Variants in DYSF observed in about 807,000 individuals in gnomAD.
DYSF encodes dysferlin, also known as dystrophy-associated fer-1-like 1.
Under a neutral mutation model 274.9 loss-of-function variants are expected in DYSF, and 212 were observed. The observed-to-expected ratio is 0.77, with a 90% CI of 0.69 to 0.86. DYSF has a LOEUF of 0.86. DYSF is among the 40% of genes least tolerant of loss of function. The pLI, the probability that DYSF is intolerant of heterozygous loss-of-function variation, is 0.00. For missense variants in DYSF, 2,666 were observed against 2,783.2 expected (o/e 0.96, Z 0.95); for synonymous variants, 1,091 against 1,078.7 (o/e 1.01, Z -0.22).
chr2:71,612,758 C>A lies in DYSF; in HGVS notation c.4339C>A (p.Leu1447Met). The change falls in exon 39 of 56, where the codon CTG (leucine) becomes ATG (methionine). Residue 1447 changes from leucine (L) to methionine (M), a missense_variant. Leu to Met is a conservative substitution (Grantham distance 15). This residue lies in a region of DYSF where 1,460 missense variants were observed against 1,502.1 expected (regional missense o/e 0.97). Transcript: ENST00000410020. ...QCTIRSLESF[L>M]CDPYSAESPS... The stretch of plus-strand genomic sequence containing the variant: ...TACCATCCGCTCCCTGGAGAGCTTC[C>A]TGTGTGACCCCTACTCGGCGGAGAG... 6.2e-7 allele frequency: 1 copy of A among 1,614,156 alleles called. No individual in the cohort carries two copies. Among genetic ancestry groups the A allele is most frequent in the Non-Finnish European group, 8.5e-7 (1 of 1,180,010 alleles).
intron 3 of DYSF, among the ~76,000 whole-genome samples, chr2:71,498,604 T>G (rs937799249): frequency 1.3e-5 from 2 of 152,246 alleles, no homozygotes; most frequent in African/African-American, 4.8e-5. Flanking sequence ...TGAGTCATAA[T>G]TCCTAAGCTT....
intron 13 of DYSF, 65 bp downstream of exon 13, chr2:71,526,411 T>TGGGGGGGGGGGGGGGGGGG: frequency 2.0e-5 from 6 of 306,912 alleles, no homozygotes; most frequent in Non-Finnish European, 2.5e-5. Flanking sequence ...CTGGTGGGGG[T>TGGGGGGGGGGGGGGGGGGG]GGGCGATGGC....
At chr2:71,498,821 T>C (rs556379771) in intron 3 of DYSF, among the ~76,000 whole-genome samples, 1 of 152,210 alleles carries the variant, frequency 6.6e-6, no homozygotes, top group Admixed American at 6.5e-5. Context: ...TCTTTCACTG[T>C]CATCATTCTC....
intron 1 of DYSF, among the ~76,000 whole-genome samples, chr2:71,458,110 C>A (rs936791434): frequency 6.6e-6 from 1 of 152,180 alleles, no homozygotes; most frequent in African/African-American, 2.4e-5. Context: ...CTTAACCACT[C>A]TGTGTCAGTT....
chr2:71,508,512 A>T (rs1237999168), intron 4 of DYSF, among the ~76,000 whole-genome samples: 2 of 152,092 alleles, frequency 1.3e-5, no homozygotes, highest in African/African-American at 4.8e-5. Flanking sequence ...ATAACCTTGT[A>T]GCTGGATATT....
At chr2:71,453,964 C>T (rs1330939831) in exon 1 of DYSF, 2 of 1,611,170 alleles carry the variant, frequency 1.2e-6, no homozygotes, top group Non-Finnish European at 1.7e-6. Flanking sequence ...GCCCTCTTTG[C>T]GCCCTGGGCG....
At chr2:71,569,397 T>C (rs547166934) in intron 26 of DYSF, among the ~76,000 whole-genome samples, 1 of 152,322 alleles carries the variant, frequency 6.6e-6, no homozygotes, top group South Asian at 2.1e-4. Flanking sequence ...TCCTCTCCTT[T>C]TCCTGTTTGG....
intron 24 of DYSF, 143 bp from the exon 25 acceptor site, chr2:71,567,808 G>C: frequency 8.1e-7 from 1 of 1,234,258 alleles, no homozygotes; most frequent in Non-Finnish European, 1.1e-6. Context: ...TGCAATTCTG[G>C]TAAGCGCTCC....
At chr2:71,596,521 T>C (rs2093413485) in intron 32 of DYSF, among the ~76,000 whole-genome samples, 1 of 152,102 alleles carries the variant, frequency 6.6e-6, no homozygotes, top group Admixed American at 6.5e-5. Flanking sequence ...TTGGAGCTGA[T>C]GGTATCACAG....
rs770003593 is a variant in DYSF, at chr2:71,679,070, C to T, written c.5898C>T (p.Leu1966=). The change falls in exon 53 of 56, where the codon CTC becomes CTT. Residue 1966 remains leucine, a synonymous_variant. Coordinates refer to ENST00000410020, the MANE Select transcript of DYSF (RefSeq NM_001130987.2). The part of the protein sequence containing the change: ...SFDDFLGSLQ[L]DLNRMPKPAK... ...TCTCTGTTGCAGGCTCCCTGCAGCTCGATCTCAACCGCATGCCCAAGCCAG... is the reference window on the plus strand; with the variant it reads ...TCTCTGTTGCAGGCTCCCTGCAGCTTGATCTCAACCGCATGCCCAAGCCAG... 3 of 1,613,810 alleles carry T rather than the reference C, an allele frequency of 1.9e-6. No individual in the cohort carries two copies. Among genetic ancestry groups the T allele is most frequent in the African/African-American group, 1.3e-5 (1 of 74,890 alleles).
At chr2:71,508,018 C>A (rs558919766) in intron 4 of DYSF, among the ~76,000 whole-genome samples, 6 of 152,324 alleles carry the variant, frequency 3.9e-5, no homozygotes, top group African/African-American at 1.4e-4. Context: ...CATTATGCAG[C>A]TGGTCCTGAC....
intron 13 of DYSF, among the ~76,000 whole-genome samples, chr2:71,527,117 C>T (rs966666009): frequency 5.9e-5 from 9 of 152,158 alleles, no homozygotes; most frequent in Non-Finnish European, 1.3e-4. Flanking sequence ...GTCCAAATGC[C>T]GGGGCCCCAC....
At position 71,662,031 on chromosome 2, in the gene DYSF, G is replaced by A. The variant is rs76541882; in HGVS notation, c.5003+1380G>A. ...CCTGTTCCACAGTGGGTGGGCGTGT[G>A]TCAGGACTCAGGGGAGATAGGGGAG... On this transcript the variant is annotated intron_variant, in intron 45 of 55. Transcript: ENST00000410020. Among the ~76,000 whole-genome samples the A allele has an allele frequency of 0.057, 8,699 of 152,154 alleles. 867 individuals carry two copies. The highest frequency in any genetic ancestry group is 0.2 in the African/African-American group (8,260 of 41,472).
chr2:71,549,634 A>G (rs751290163), intron 17 of DYSF, among the ~76,000 whole-genome samples: 5 of 149,894 alleles, frequency 3.3e-5, no homozygotes, highest in Non-Finnish European at 5.9e-5. Context: ...CCTAAATGGG[A>G]TAGGCTTGGG....
intron 41 of DYSF, among the ~76,000 whole-genome samples, chr2:71,639,787 G>T (rs2094459333): frequency 6.6e-6 from 1 of 152,154 alleles, no homozygotes; most frequent in Non-Finnish European, 1.5e-5. Context: ...TTAGGCTATG[G>T]AAACGTGCAG....
At chr2:71,632,003 T>G (rs2094322979) in intron 41 of DYSF, among the ~76,000 whole-genome samples, 1 of 152,142 alleles carries the variant, frequency 6.6e-6, no homozygotes, top group Non-Finnish European at 1.5e-5. Context: ...CAAGAGGTCT[T>G]TCCCCTGGTC....
At chr2:71,644,171 C>T in intron 42 of DYSF, 108 bp downstream of exon 42, 1 of 983,092 alleles carries the variant, frequency 1.0e-6, no homozygotes. Context: ...TTTGTCTCCT[C>T]ATTCGGTGTC....
intron 24 of DYSF, among the ~76,000 whole-genome samples, 169 bp from the exon 25 acceptor site, chr2:71,567,782 G>A (rs1178887992): frequency 2.0e-5 from 3 of 152,144 alleles, no homozygotes; most frequent in Non-Finnish European, 2.9e-5. Context: ...TTTCTTAATT[G>A]CACACTCCCC....
At position 71,664,143 on chromosome 2, in the gene DYSF, C is replaced by T. The variant is rs536447055; in HGVS notation, c.5004-125C>T. On this transcript the variant is annotated intron_variant, in intron 45 of 55. Transcript: ENST00000410020. ...ACAGCAGTGCTGTGGGTGGTTGGGC[C>T]TGTAAGATCTGTAGGGGGCCCAAGG... The T allele has an allele frequency of 1.2e-4, 151 of 1,218,876 alleles. 1 individual carries two copies. The East Asian group carries it at 3.3e-3, about 27-fold the overall frequency. The allele number at this position is 1,218,876 out of a possible 1,614,324, so 75.5% of individuals were successfully genotyped here.
Sources: gnomAD v4.1 joint callset for allele counts (sites outside exome capture counted in the v4.1 genomes callset) on GRCh38, gnomAD v4.1.1 for gene constraint, gnomAD v4.1.1 regional missense constraint, MANE v1.5 for transcripts, NCBI Gene and HGNC (gene_info 2026-07-23, HGNC 2026-07-21) for gene names.